CLCN6: variants seen among roughly 807,000 people sequenced by gnomAD.
CLCN6 encodes the protein H(+)/Cl(-) exchange transporter 6.
CLCN6 carries 70 observed loss-of-function variants against 109.8 expected under a neutral mutation model. That is an observed-to-expected ratio of 0.64 (90% CI 0.53 to 0.78). CLCN6 has a LOEUF of 0.78. Ranked by LOEUF, CLCN6 falls within the 30% of genes least tolerant of loss-of-function variation. The probability of loss-of-function intolerance (pLI) is 0.00; values close to 1 mark genes in which losing one functional copy is unlikely to be tolerated. For missense variants in CLCN6, 984 were observed against 1,142.3 expected, an observed-to-expected ratio of 0.86 and a Z score of 2.00; for synonymous variants, 444 against 447.8, an observed-to-expected ratio of 0.99 and a Z score of 0.11.
chr1:11,836,501 C>T (rs1045994005), intron 18 of CLCN6, among the ~76,000 whole-genome samples: 3 of 152,154 alleles, frequency 2.0e-5, no homozygotes, highest in African/African-American at 4.8e-5. Flanking sequence ...AAGAAATCCA[C>T]AGGAAAGCTC....
At chr1:11,810,024 C>A (rs1242131626) in intron 2 of CLCN6, among the ~76,000 whole-genome samples, 2 of 152,186 alleles carry the variant, frequency 1.3e-5, no homozygotes, top group Middle Eastern at 3.4e-3. Context: ...GTGTTAAAAG[C>A]ATGTGTATAA....
chr1:11,821,083 ACAAC>A (rs1644736072), intron 5 of CLCN6, among the ~76,000 whole-genome samples: 2 of 123,268 alleles, frequency 1.6e-5, no homozygotes, highest in African/African-American at 2.9e-5. Flanking sequence ...TCAAAAAACA[ACAAC>A]AAAAAAAAAA....
chr1:11,810,781 A>AT (rs1367181641), intron 2 of CLCN6, among the ~76,000 whole-genome samples: 1 of 143,586 alleles, frequency 7.0e-6, no homozygotes, highest in Non-Finnish European at 1.5e-5. Context: ...TAAAAAAAAA[A>AT]GAAGCGTGGC....
At chr1:11,822,630 C>A in intron 5 of CLCN6, 65 bp from the exon 6 acceptor site, 2 of 932,992 alleles carry the variant, frequency 2.1e-6, no homozygotes, top group Non-Finnish European at 1.8e-6. Flanking sequence ...CAGCTGCACC[C>A]TCTCAAGTGA....
Position 11,834,094 on chromosome 1 carries a change from A to G in CLCN6, c.1526+64A>G. 1 of 1,598,782 alleles carries G rather than the reference A, an allele frequency of 6.3e-7. No homozygotes were observed. The highest frequency in any genetic ancestry group is 8.5e-7 in the Non-Finnish European group (1 of 1,172,424). On this transcript the variant is annotated intron_variant, in intron 15 of 22. Coordinates refer to ENST00000346436, the MANE Select transcript of CLCN6 (RefSeq NM_001286.5). The surrounding 1 kb of genome is among the most constrained non-coding windows in gnomAD (Gnocchi z 4.5). ...TGTGTGCACGTGTGCGTGTGTATGC[A>G]TGTGTGTGCGTGTGCGTGCGTTGAT...
At chr1:11,821,176 T>TA (rs1260882933) in intron 5 of CLCN6, among the ~76,000 whole-genome samples, 11 of 150,858 alleles carry the variant, frequency 7.3e-5, no homozygotes, top group Non-Finnish European at 1.3e-4. Flanking sequence ...ATAACAACAA[T>TA]AAAACACCAT....
chr1:11,838,786 AC>A (rs1410205639), intron 22 of CLCN6, 126 bp downstream of exon 22: 7 of 1,398,206 alleles, frequency 5.0e-6, no homozygotes, highest in Middle Eastern at 1.8e-4. Flanking sequence ...GTGGCCCAAC[AC>A]TAGCTTTGAA....
Position 11,842,004 on chromosome 1 carries a change from G to T in CLCN6, c.*1781G>T, listed in dbSNP as rs915737384. 3.3e-5 allele frequency: 5 copies of T among 152,244 alleles called. No individual in the cohort carries two copies. Among genetic ancestry groups the T allele is most frequent in the African/African-American group, 1.2e-4 (5 of 41,466 alleles). The allele number at this position is 152,244 out of a possible 1,614,324, so 9.4% of individuals were successfully genotyped here. A position where few individuals can be genotyped will look rare whatever the true frequency, so the allele number is the denominator to read the frequency against. On this transcript the variant is annotated 3_prime_UTR_variant, in exon 23 of 23. Coordinates refer to ENST00000346436, the MANE Select transcript of CLCN6 (RefSeq NM_001286.5). ...TTTAAATGTTACTATTTGGCCAGCT[G>T]CTGCTGTGTTTTATGGCAGTGTTCA...
intron 5 of CLCN6, chr1:11,820,394 A>G: frequency 1.4e-6 from 1 of 716,606 alleles, no homozygotes; most frequent in Non-Finnish European, 2.6e-6. Context: ...AATATGCAGA[A>G]CAAAACTTCG....
At position 11,823,841 on chromosome 1, in the gene CLCN6, G is replaced by C; in HGVS notation, c.580+8G>C. On this transcript the variant is annotated splice_region_variant and intron_variant, in intron 7 of 22. Transcript: ENST00000346436. Reference sequence around the variant, plus strand: ...TGTTCAGTGTGGCTGGAGGTAAGAAGGGTCCAACTTGTATCCTTCAAATAC... The same window carrying C: ...TGTTCAGTGTGGCTGGAGGTAAGAACGGTCCAACTTGTATCCTTCAAATAC... 1.2e-6 allele frequency: 2 copies of C among 1,614,140 alleles called. No homozygotes were observed. Among genetic ancestry groups the C allele is most frequent in the South Asian group, 2.2e-5 (2 of 91,086 alleles).
intron 22 of CLCN6, chr1:11,838,886 A>C (rs1644985187): frequency 1.4e-5 from 10 of 728,440 alleles, no homozygotes; most frequent in Non-Finnish European, 1.8e-5. Context: ...TTCCAGCCAG[A>C]GCCGCGCCTC....
Position 11,828,521 on chromosome 1 carries a change from A to T in CLCN6, c.1018A>T (p.Met340Leu), listed in dbSNP as rs1644840888. 5.6e-6 allele frequency: 9 copies of T among 1,613,976 alleles called. No homozygotes were observed. Among genetic ancestry groups the T allele is most frequent in the South Asian group, 1.1e-5 (1 of 91,078 alleles). Residue 340 changes from methionine to leucine, a missense_variant, in exon 12 of 23, where the codon ATG (methionine) becomes TTG (leucine). Transcript: ENST00000346436. Reference protein sequence around the residue: ...TAMDLGFFVVMGVIGGLLGAT... With the variant: ...TAMDLGFFVVLGVIGGLLGAT... ...TATGGATTTGGGTTTCTTCGTCGTG[A>T]TGGGGGTCATTGGGGGCCTCCTGGG...
chr1:11,833,645 G>A lies in CLCN6; in HGVS notation c.1372+7G>A. 6.2e-7 allele frequency: 1 copy of A among 1,613,098 alleles called. No individual in the cohort carries two copies. The highest frequency in any genetic ancestry group is 8.5e-7 in the Non-Finnish European group (1 of 1,179,990). On this transcript the variant is annotated splice_region_variant and intron_variant, in intron 14 of 22. Transcript: ENST00000346436. ...CAGCTCTTCCACCAGGATGGTGAGT[G>A]TCTGCACTGCAGCCCAATCGTGGGT...
chr1:11,820,589 AC>A, intron 5 of CLCN6: 2 of 448,002 alleles, frequency 4.5e-6, no homozygotes, highest in Non-Finnish European at 8.4e-6. Context: ...ACACGGTGAA[AC>A]CCCGTCTCTA....
chr1:11,831,995 T>C (rs1167263961), intron 13 of CLCN6, among the ~76,000 whole-genome samples: 1 of 152,284 alleles, frequency 6.6e-6, no homozygotes, highest in East Asian at 1.9e-4. Flanking sequence ...ACAGAACTTC[T>C]AGGGCCTTAT....
intron 2 of CLCN6, among the ~76,000 whole-genome samples, chr1:11,812,710 G>GTA (rs70987204): frequency 2.1e-5 from 3 of 143,754 alleles, no homozygotes; most frequent in Non-Finnish European, 3.0e-5. Flanking sequence ...GTGTGTGTGT[G>GTA]TATTGTTGGG....
chr1:11,837,691 A>G (rs1009882207), intron 20 of CLCN6, among the ~76,000 whole-genome samples, 192 bp downstream of exon 20: 3 of 152,078 alleles, frequency 2.0e-5, no homozygotes, highest in African/African-American at 7.2e-5. Context: ...TTCATAGTTC[A>G]AGGCCAGAAG....
At chr1:11,821,087 C>A (rs868775806) in intron 5 of CLCN6, among the ~76,000 whole-genome samples, 3,744 of 101,056 alleles carry the variant, frequency 0.037, 94 homozygotes, top group Middle Eastern at 0.058. Context: ...AAAACAACAA[C>A]AAAAAAAAAA....
At chr1:11,822,649 A>T (rs746646478) in intron 5 of CLCN6, 46 bp from the exon 6 acceptor site, 3 of 1,142,616 alleles carry the variant, frequency 2.6e-6, no homozygotes, top group Non-Finnish European at 2.7e-6. Flanking sequence ...GATGACGGGG[A>T]CACCCCTCGG....
Sources: gnomAD v4.1 joint callset for allele counts (sites outside exome capture counted in the v4.1 genomes callset) on GRCh38, gnomAD v4.1.1 for gene constraint, Gnocchi (gnomAD v3.1) non-coding constraint, MANE v1.5 for transcripts, NCBI Gene and HGNC (gene_info 2026-07-23, HGNC 2026-07-21) for gene names.